The following DLG2 variants were observed in gnomAD, a reference collection of about 807,000 sequenced individuals.
DLG2 encodes discs large MAGUK scaffold protein 2, also known as disks large homolog 2.
Under a neutral mutation model 132.5 loss-of-function variants are expected in DLG2, and 45 were observed. That is an observed-to-expected ratio of 0.34 (90% confidence interval 0.27 to 0.44). The LOEUF is 0.44. Ranked by LOEUF, DLG2 falls within the 20% of genes least tolerant of loss-of-function variation. The pLI, the probability that DLG2 is intolerant of heterozygous loss-of-function variation, is 1.00. For missense variants in DLG2, 1,045 were observed against 1,196.9 expected, an observed-to-expected ratio of 0.87 and a Z score of 1.87; for synonymous variants, 424 against 419.6, an observed-to-expected ratio of 1.01 and a Z score of -0.13.
chr11:85,548,590 A>C lies in DLG2; in HGVS notation c.40+50067T>G, dbSNP rs531902366. Among the ~76,000 whole-genome samples the C allele has an allele frequency of 7.9e-5, 12 of 152,158 alleles. No individual in the cohort carries two copies. The East Asian group carries it at 2.3e-3, about 29-fold the overall frequency. On this transcript the variant is annotated intron_variant, in intron 3 of 27. Transcript: ENST00000376104. ...TAAGTCTGCTGAAGCTGTGTCCCCA[A>C]CCGCCCCTTCCCCCAGGTGCTCTGT...
At chr11:84,104,916 T>C (rs1290779868) in intron 9 of DLG2, among the ~76,000 whole-genome samples, 1 of 152,098 alleles carries the variant, frequency 6.6e-6, no homozygotes. Flanking sequence ...ATTATTCTCT[T>C]TTTATATATT....
In DLG2 at chr11:83,670,536, A is replaced by T. The variant is rs148135009; in HGVS notation, c.1826-37211T>A. On this transcript the variant is annotated intron_variant, in intron 18 of 27. Transcript: ENST00000376104. ...AAAATGAATACCTTTGGGCTCACTC[A>T]CAAGCACATATTCATGAAATTTTAA... 3.4e-3 allele frequency among the ~76,000 whole-genome samples: 514 copies of T among 152,232 alleles called. 7 individuals are homozygous for T. The highest frequency in any genetic ancestry group is 0.031 in the Admixed American group (470 of 15,294).
intron 3 of DLG2, among the ~76,000 whole-genome samples, chr11:85,513,942 G>T (rs991377813): frequency 2.6e-5 from 4 of 151,742 alleles, no homozygotes; most frequent in Non-Finnish European, 5.9e-5. Flanking sequence ...CATCCTCATT[G>T]TTTCTTCTTT....
rs545810404 is a variant in DLG2, at chr11:83,983,902, T to G, written c.920-3260A>C. Among the ~76,000 whole-genome samples the G allele has an allele frequency of 2.0e-5, 3 of 152,168 alleles. No homozygotes were observed. In the East Asian group the frequency reaches 5.8e-4, roughly 29 times the overall value. On this transcript the variant is annotated intron_variant, in intron 11 of 27. Transcript: ENST00000376104. ...AATAGGGAAGTTTTAAAAAATGTAT[T>G]TACAAAAGTTTCTTAGCCACGTGCT...
At chr11:84,760,904 C>T (rs1171499468) in intron 6 of DLG2, among the ~76,000 whole-genome samples, 2 of 152,262 alleles carry the variant, frequency 1.3e-5, no homozygotes, top group East Asian at 3.9e-4. Flanking sequence ...CCCACTCCAT[C>T]CCCCTCTTCC....
intron 11 of DLG2, among the ~76,000 whole-genome samples, chr11:84,038,505 T>C (rs1285485313): frequency 6.6e-6 from 1 of 151,980 alleles, no homozygotes; most frequent in African/African-American, 2.4e-5. Context: ...TTTAAAAAAG[T>C]ATTTGCTTAT....
Position 85,285,253 on chromosome 11 carries a change from A to G in DLG2, c.153T>C (p.Ala51=). The part of the protein sequence containing the change: ...LQKWEKTSLL[A]PCHDRLQKSS... The stretch of plus-strand genomic sequence containing the variant: ...ATTTTTGAAGTCTGTCATGGCACGG[A>G]GCAAGAAGGGATGTCTTCTCCCATT... The change falls in exon 4 of 28, where the codon GCT becomes GCC. Residue 51 remains alanine, a synonymous_variant. Transcript: ENST00000376104. 6.2e-7 allele frequency: 1 copy of G among 1,611,874 alleles called. No individual in the cohort carries two copies. The highest frequency in any genetic ancestry group is 8.5e-7 in the Non-Finnish European group (1 of 1,178,566).
At chr11:85,536,551 C>T (rs549334006) in intron 3 of DLG2, among the ~76,000 whole-genome samples, 2 of 152,362 alleles carry the variant, frequency 1.3e-5, no homozygotes, top group East Asian at 3.9e-4. Context: ...TGTTGCTGCG[C>T]TATGAGGGCC....
chr11:84,221,148 C>A (rs1286442923), intron 8 of DLG2, among the ~76,000 whole-genome samples: 2 of 151,280 alleles, frequency 1.3e-5, no homozygotes. Context: ...ACAAACAAAT[C>A]AAAACGCCTG....
intron 6 of DLG2, among the ~76,000 whole-genome samples, chr11:84,753,666 A>C (rs2066475682): frequency 6.6e-6 from 1 of 152,232 alleles, no homozygotes; most frequent in African/African-American, 2.4e-5. Context: ...TAGAAACTGG[A>C]GATGGAATTT....
chr11:85,011,751 G>T (rs772173131), intron 6 of DLG2, among the ~76,000 whole-genome samples: 18 of 152,118 alleles, frequency 1.2e-4, no homozygotes, highest in Non-Finnish European at 2.5e-4. Context: ...GCAAAGATAG[G>T]TAAGAGAATT....
chr11:84,522,968 A>G lies in DLG2; in HGVS notation c.519+11602T>C, dbSNP rs1018457761. On this transcript the variant is annotated intron_variant, in intron 7 of 27. Transcript: ENST00000376104. Reference sequence around the variant, plus strand: ...TCAAAATGTCCCCAACTCATTTGCTACAATTTGAGCTAACCAACATGACAT... The same window carrying G: ...TCAAAATGTCCCCAACTCATTTGCTGCAATTTGAGCTAACCAACATGACAT... Among the ~76,000 whole-genome samples the G allele has an allele frequency of 5.9e-5, 9 of 152,184 alleles. 1 individual carries two copies. Among genetic ancestry groups the G allele is most frequent in the Admixed American group, 3.3e-4 (5 of 15,272 alleles).
chr11:84,899,259 T>C (rs918240207), intron 6 of DLG2, among the ~76,000 whole-genome samples: 1 of 152,054 alleles, frequency 6.6e-6, no homozygotes, highest in African/African-American at 2.4e-5. Context: ...GAAATTACAA[T>C]AGATTTGAGG....
intron 6 of DLG2, among the ~76,000 whole-genome samples, chr11:84,941,483 T>A (rs2049412275): frequency 6.6e-6 from 1 of 152,144 alleles, no homozygotes. Context: ...ATTAAAAGGA[T>A]CATATGGTTT....
At chr11:85,613,591 A>G (rs143553653) in intron 2 of DLG2, among the ~76,000 whole-genome samples, 4 of 152,166 alleles carry the variant, frequency 2.6e-5, no homozygotes, top group African/African-American at 7.2e-5. Flanking sequence ...AAATGCACCA[A>G]TCTGTGCTCT....
intron 4 of DLG2, among the ~76,000 whole-genome samples, chr11:85,236,049 G>C (rs190798891): frequency 3.5e-4 from 53 of 151,920 alleles, no homozygotes; most frequent in Middle Eastern, 3.4e-3. Flanking sequence ...GCAGATAAGA[G>C]ATGGCTTACT....
At chr11:83,553,552 A>G (rs1225904) in intron 19 of DLG2, among the ~76,000 whole-genome samples, 71,142 of 150,044 alleles carry the variant, frequency 0.47, 17,404 homozygotes, top group Admixed American at 0.57. Context: ...CTGTTGTGCT[A>G]TTACATATTG....
intron 6 of DLG2, among the ~76,000 whole-genome samples, chr11:84,996,661 G>C (rs1224324649): frequency 6.6e-6 from 1 of 152,052 alleles, no homozygotes; most frequent in Admixed American, 6.6e-5. Flanking sequence ...AATCTAATGT[G>C]GGGTAGTTTT....
chr11:85,533,273 C>T (rs919786241), intron 3 of DLG2, among the ~76,000 whole-genome samples: 1 of 152,028 alleles, frequency 6.6e-6, no homozygotes, highest in Non-Finnish European at 1.5e-5. Flanking sequence ...ATCCACCCAC[C>T]TCAGCCTCCC....
Sources: allele counts gnomAD v4.1 joint callset (sites outside exome capture counted in the v4.1 genomes callset), GRCh38; gene constraint gnomAD v4.1.1; transcripts MANE v1.5; gene names NCBI Gene and HGNC (gene_info 2026-07-23, HGNC 2026-07-21).